GASK1A: variants seen among roughly 807,000 people sequenced by gnomAD.
GASK1A encodes golgi associated kinase 1A.
GASK1A carries 40 observed loss-of-function variants against 41.2 expected under a neutral mutation model. The observed-to-expected ratio is 0.97, with a 90% CI of 0.75 to 1.27. The LOEUF (loss-of-function observed/expected upper bound fraction) is 1.27, where lower values mean the gene tolerates loss of function less well. Among genes scored for constraint, GASK1A ranks in the 50% most tolerant of loss-of-function variants. GASK1A has a pLI of 0.00. For missense variants in GASK1A, 678 were observed against 745.1 expected, an observed-to-expected ratio of 0.91 and a Z score of 1.05; for synonymous variants, 316 against 307.1, an observed-to-expected ratio of 1.03 and a Z score of -0.30.
rs2089722913 is a variant in GASK1A, at chr3:43,057,650, ACT to A, written c.*1267_*1268del. On this transcript the variant is annotated 3_prime_UTR_variant, in exon 5 of 5. Coordinates refer to ENST00000430121, the MANE Select transcript of GASK1A (RefSeq NM_001129908.3). ...CTTGTTAATTTGTTGGAAATCTTTG[ACT>A]CTAATAAGTGTGATCAATCTTTTCT... 1 of 151,976 alleles carries A rather than the reference ACT, an allele frequency of 6.6e-6. No homozygotes were observed. Among genetic ancestry groups the A allele is most frequent in the South Asian group, 2.1e-4 (1 of 4,828 alleles). 9.4% of individuals were successfully genotyped at this position (151,976 alleles called of 1,614,324 possible).
At chr3:42,990,978 C>T (rs1249284426) in intron 1 of GASK1A, among the ~76,000 whole-genome samples, 2 of 151,976 alleles carry the variant, frequency 1.3e-5, no homozygotes, top group South Asian at 4.2e-4. Context: ...TTATCTCACT[C>T]TTTTCACCCC....
intron 2 of GASK1A, chr3:43,037,084 G>C (rs1402867762): frequency 1.6e-6 from 1 of 626,544 alleles, no homozygotes; most frequent in Non-Finnish European, 2.8e-6. Context: ...CTTGGGTGCT[G>C]ACCCTGCGAT....
chr3:42,986,257 C>T (rs1264942542), intron 1 of GASK1A, among the ~76,000 whole-genome samples: 1 of 152,108 alleles, frequency 6.6e-6, no homozygotes, highest in African/African-American at 2.4e-5. Context: ...TTTTAAATGA[C>T]ATTCTAGAAA....
At chr3:43,050,940 A>G (rs1261577892) in intron 2 of GASK1A, among the ~76,000 whole-genome samples, 1 of 151,962 alleles carries the variant, frequency 6.6e-6, no homozygotes, top group Non-Finnish European at 1.5e-5. Flanking sequence ...TCTAGGCCTG[A>G]TTTCCTTTAG....
chr3:43,045,229 G>A (rs895979826), intron 2 of GASK1A, among the ~76,000 whole-genome samples: 1 of 152,072 alleles, frequency 6.6e-6, no homozygotes, highest in African/African-American at 2.4e-5. Context: ...TATGCCCTGG[G>A]CCCTGGATTC....
chr3:42,999,034 T>C (rs960969360), intron 1 of GASK1A, among the ~76,000 whole-genome samples: 31 of 152,328 alleles, frequency 2.0e-4, no homozygotes, highest in African/African-American at 7.0e-4. Context: ...TCAGTGTGTA[T>C]AGCTGAAATT....
chr3:43,054,496 A>G (rs1483483954), intron 3 of GASK1A, among the ~76,000 whole-genome samples: 1 of 152,212 alleles, frequency 6.6e-6, no homozygotes, highest in East Asian at 1.9e-4. Flanking sequence ...CAGAGGGAAG[A>G]GTCACCTGGC....
At chr3:43,051,645 C>T (rs2089688635) in intron 2 of GASK1A, among the ~76,000 whole-genome samples, 1 of 152,010 alleles carries the variant, frequency 6.6e-6, no homozygotes, top group South Asian at 2.1e-4. Context: ...ATTGTTTGTC[C>T]CAATTGTTAT....
In GASK1A at chr3:43,056,390, G is replaced by T; in HGVS notation, c.*4G>T. On this transcript the variant is annotated 3_prime_UTR_variant, in exon 5 of 5. Coordinates refer to ENST00000430121, the MANE Select transcript of GASK1A (RefSeq NM_001129908.3). ...CTTCAGGGACGAGGACCCATAAGCCGCACACAGCCCTGAGTCAATGAGCAT... is the reference window on the plus strand; with the variant it reads ...CTTCAGGGACGAGGACCCATAAGCCTCACACAGCCCTGAGTCAATGAGCAT... The T allele has an allele frequency of 5.9e-6, 9 of 1,534,154 alleles. No homozygotes were observed. The highest frequency in any genetic ancestry group is 7.9e-6 in the Non-Finnish European group (9 of 1,137,428).
intron 1 of GASK1A, among the ~76,000 whole-genome samples, chr3:43,001,369 A>AGTG (rs1197870389): frequency 1.3e-5 from 2 of 152,206 alleles, no homozygotes; most frequent in African/African-American, 4.8e-5. Context: ...AAATCCAAAC[A>AGTG]GCACGTGGCC....
chr3:43,005,095 C>T (rs915260520), intron 1 of GASK1A, among the ~76,000 whole-genome samples: 60 of 152,156 alleles, frequency 3.9e-4, no homozygotes, highest in Admixed American at 3.9e-3. Context: ...ATCACATGGC[C>T]GCCTTCTTGC....
At chr3:42,993,409 G>A (rs988793785) in intron 1 of GASK1A, among the ~76,000 whole-genome samples, 2 of 152,196 alleles carry the variant, frequency 1.3e-5, no homozygotes, top group Non-Finnish European at 2.9e-5. Context: ...TAGGTATACT[G>A]ATAGATATTG....
At chr3:43,035,524 G>A (rs138369323) in intron 2 of GASK1A, among the ~76,000 whole-genome samples, 297 of 152,260 alleles carry the variant, frequency 2.0e-3, no homozygotes, top group Non-Finnish European at 3.5e-3. Flanking sequence ...TAGCAGGATT[G>A]GAGCCCAGTT....
At chr3:42,988,077 G>A (rs1187381084) in intron 1 of GASK1A, among the ~76,000 whole-genome samples, 1 of 148,564 alleles carries the variant, frequency 6.7e-6, no homozygotes, top group Admixed American at 6.7e-5. Flanking sequence ...TGTCCCCCAA[G>A]CCACCTTGCC....
At position 43,037,108 on chromosome 3, in the gene GASK1A, A is replaced by G. The variant is rs965092666; in HGVS notation, c.1290+3555A>G. ...TGACCCTGCGATTGCACAACACTAA[A>G]AGTCAGTACCTCAAACCAGGCAGCG... On this transcript the variant is annotated intron_variant, in intron 2 of 4. Coordinates refer to ENST00000430121, the MANE Select transcript of GASK1A (RefSeq NM_001129908.3). 1.5e-5 allele frequency: 11 copies of G among 743,816 alleles called. No individual in the cohort carries two copies. In the African/African-American group the frequency reaches 1.9e-4, roughly 13 times the overall value. 46.1% of individuals were successfully genotyped at this position (743,816 alleles called of 1,614,324 possible). A position where few individuals can be genotyped will look rare whatever the true frequency, so the allele number is the denominator to read the frequency against.
chr3:42,995,191 A>G (rs1469406116), intron 1 of GASK1A, among the ~76,000 whole-genome samples: 1 of 152,198 alleles, frequency 6.6e-6, no homozygotes, highest in Non-Finnish European at 1.5e-5. Flanking sequence ...TCGTTTCTTC[A>G]GGTTTACTTG....
rs534796348 is a variant in GASK1A at position 42,984,011 on chromosome 3, A to G, written c.3+4366A>G. ...CCTTCCAATAGGTCTGGGAGGCCCAATGTCTGCTCCCCACCTAAGGTACTA... is the reference window on the plus strand; with the variant it reads ...CCTTCCAATAGGTCTGGGAGGCCCAGTGTCTGCTCCCCACCTAAGGTACTA... On this transcript the variant is annotated intron_variant, in intron 1 of 4. Coordinates refer to ENST00000430121, the MANE Select transcript of GASK1A (RefSeq NM_001129908.3). This position sits in a 1 kb window ranked among gnomAD's most constrained non-coding sequence, Gnocchi z 4.2. Among the ~76,000 whole-genome samples the G allele has an allele frequency of 1.2e-4, 18 of 152,254 alleles. No individual in the cohort carries two copies. The highest frequency in any genetic ancestry group is 3.9e-4 in the African/African-American group (16 of 41,552).
At chr3:42,981,468 G>T (rs1232850397) in intron 1 of GASK1A, among the ~76,000 whole-genome samples, 1 of 152,166 alleles carries the variant, frequency 6.6e-6, no homozygotes, top group Non-Finnish European at 1.5e-5. Flanking sequence ...TCCAAAAATG[G>T]GTGATATGTG....
At chr3:43,000,682 A>T (rs1372616491) in intron 1 of GASK1A, among the ~76,000 whole-genome samples, 1 of 152,246 alleles carries the variant, frequency 6.6e-6, no homozygotes, top group East Asian at 1.9e-4. Context: ...AGAAAAGCAA[A>T]CAGGAAAATC....
Sources: gnomAD v4.1 joint callset for allele counts (sites outside exome capture counted in the v4.1 genomes callset) on GRCh38, gnomAD v4.1.1 for gene constraint, Gnocchi (gnomAD v3.1) non-coding constraint, MANE v1.5 for transcripts, NCBI Gene and HGNC (gene_info 2026-07-23, HGNC 2026-07-21) for gene names.